Variants in ANXA6 observed in about 807,000 individuals in gnomAD.
ANXA6 encodes annexin A6, also known as 67 kDa calelectrin.
A neutral mutation model predicts 95.4 loss-of-function variants in ANXA6; 71 were observed. The observed-to-expected ratio is 0.74, with a 90% confidence interval of 0.61 to 0.91. The LOEUF is 0.91. ANXA6 is among the 40% of genes least tolerant of loss of function. The pLI, the probability that ANXA6 is intolerant of heterozygous loss-of-function variation, is 0.00. For synonymous variants in ANXA6, 289 were observed against 315.9 expected (o/e 0.91, Z 0.90); for missense variants, 830 against 876.4 (o/e 0.95, Z 0.67).
At chr5:151,140,118 A>C in intron 3 of ANXA6, 35 bp downstream of exon 3, 3 of 1,600,420 alleles carry the variant, frequency 1.9e-6, no homozygotes, top group Non-Finnish European at 2.6e-6. Flanking sequence ...CTTTTGGGGG[A>C]TACCCCTCAA....
At chr5:151,115,537 C>A (rs555299317) in intron 20 of ANXA6, among the ~76,000 whole-genome samples, 1 of 152,316 alleles carries the variant, frequency 6.6e-6, no homozygotes, top group South Asian at 2.1e-4. Context: ...AAACCAGGCA[C>A]CAGGCAGAAG....
rs1346592385 is a variant in ANXA6 at position 151,134,501 on chromosome 5, G to A, written c.490-18C>T. ...CTGGTTCCCTGGGCAGAAAGACAAA[G>A]AACATGTGTTTCAAACACTGCAAAG... On this transcript the variant is annotated intron_variant, in intron 7 of 25. Coordinates refer to ENST00000354546, the MANE Select transcript of ANXA6 (RefSeq NM_001155.5). 1 of 1,613,762 alleles carries A rather than the reference G, an allele frequency of 6.2e-7. No homozygotes were observed. Among genetic ancestry groups the A allele is most frequent in the Admixed American group, 1.7e-5 (1 of 60,022 alleles).
Position 151,129,636 on chromosome 5 carries a change from T to C in ANXA6, c.796-107A>G, listed in dbSNP as rs114482434. The C allele has an allele frequency of 1.8e-5, 24 of 1,342,638 alleles. No homozygotes were observed. In the East Asian group the frequency reaches 4.6e-4, roughly 26 times the overall value. The allele number at this position is 1,342,638 out of a possible 1,614,324, so 83.2% of individuals were successfully genotyped here. ...ATTTTCATAATAAAAAGTTAAAATTTAGAGCAAAAGAAGCAGACATTGCCA... is the reference window on the plus strand; with the variant it reads ...ATTTTCATAATAAAAAGTTAAAATTCAGAGCAAAAGAAGCAGACATTGCCA... On this transcript the variant is annotated intron_variant, in intron 11 of 25. Coordinates refer to ENST00000354546, the MANE Select transcript of ANXA6 (RefSeq NM_001155.5).
At position 151,136,312 on chromosome 5, in the gene ANXA6, C is replaced by G. The variant is rs780600146; in HGVS notation, c.433G>C (p.Asp145His). The G allele has an allele frequency of 3.7e-6, 6 of 1,613,972 alleles. No individual in the cohort carries two copies. The highest frequency in any genetic ancestry group is 5.1e-6 in the Non-Finnish European group (6 of 1,179,876). ...KDAYERDLEA[D>H]IIGDTSGHFQ... is the part of the protein sequence containing the mutation. ...TGGCCAGAGGTGTCGCCGATGATGT[C>G]AGCCTCCAGGTCCCGCTCGTAGGCT... is the stretch of plus-strand genomic sequence containing the variant. The change falls in exon 7 of 26, where the codon GAC becomes CAC. Residue 145 changes from aspartate (D) to histidine (H), a missense_variant. Coordinates refer to ENST00000354546, the MANE Select transcript of ANXA6 (RefSeq NM_001155.5).
intron 2 of ANXA6, among the ~76,000 whole-genome samples, chr5:151,142,578 T>C (rs1765866377): frequency 6.6e-6 from 1 of 152,166 alleles, no homozygotes; most frequent in Non-Finnish European, 1.5e-5. Context: ...CACTCAGTTA[T>C]TGAGTCCATG....
chr5:151,140,339 T>C (rs1765795169), intron 2 of ANXA6, 96 bp from the exon 3 acceptor site: 1 of 1,046,308 alleles, frequency 9.6e-7, no homozygotes. Flanking sequence ...TGGTCCAGGC[T>C]GAGCTGCTTT....
chr5:151,108,223 A>G (rs769468036), intron 23 of ANXA6, among the ~76,000 whole-genome samples: 6 of 151,900 alleles, frequency 3.9e-5, no homozygotes, highest in Non-Finnish European at 8.8e-5. Flanking sequence ...TGCCTGCCCC[A>G]GTCTTCCTGG....
Position 151,101,478 on chromosome 5 carries a change from G to A in ANXA6, c.1992C>T (p.Ala664=). 1 of 1,561,560 alleles carries A rather than the reference G, an allele frequency of 6.4e-7. No individual in the cohort carries two copies. Among genetic ancestry groups the A allele is most frequent in the Non-Finnish European group, 8.7e-7 (1 of 1,152,840 alleles). The change falls in exon 26 of 26, where the codon GCC becomes GCT. Residue 664 remains alanine (A), a synonymous_variant. Coordinates refer to ENST00000354546, the MANE Select transcript of ANXA6 (RefSeq NM_001155.5). ...EGDTSGDFLK[A]LLALCGGED is the part of the protein sequence containing the mutation. The stretch of plus-strand genomic sequence containing the variant: ...CCTCACCACCACAGAGAGCCAGCAA[G>A]GCCTTCAGGAAGTCTCCGGAGGTGT...
Position 151,138,244 on chromosome 5 carries a change from TCTC to T in ANXA6, c.318+431_318+433del, listed in dbSNP as rs1765723319. ...ATACCCTAAACACAGATCCACAACT[TCTC>T]CTGCCATTTTTACACCCTGCAATGA... On this transcript the variant is annotated intron_variant, in intron 5 of 25. Transcript: ENST00000354546. 2.0e-5 allele frequency among the ~76,000 whole-genome samples: 3 copies of T among 152,016 alleles called. No individual in the cohort carries two copies. The South Asian group carries it at 6.2e-4, about 32-fold the overall frequency.
intron 21 of ANXA6, among the ~76,000 whole-genome samples, chr5:151,110,273 A>G (rs559697537): frequency 6.6e-6 from 1 of 152,348 alleles, no homozygotes; most frequent in Non-Finnish European, 1.5e-5. Context: ...AAGGGCAAAC[A>G]CACCCGATCA....
chr5:151,128,071 CA>C, intron 13 of ANXA6, 109 bp downstream of exon 13: 1 of 960,982 alleles, frequency 1.0e-6, no homozygotes, highest in Non-Finnish European at 1.6e-6. Flanking sequence ...GCTCCTGGCT[CA>C]GGGGAATCCC....
Position 151,124,326 on chromosome 5 carries a change from G to C in ANXA6, c.1098C>G (p.Asp366Glu). ...CTTTCCGCAGCGCTTTGGCATCTGC[G>C]TCAGGGTTGAAGTCATTGGCTGGGC... ...TVRPANDFNP[D>E]ADAKALRKAM... is the part of the protein sequence containing the mutation. Residue 366 changes from aspartate (D) to glutamate (E), a missense_variant, in exon 15 of 26, where the codon GAC becomes GAG. Coordinates refer to ENST00000354546, the MANE Select transcript of ANXA6 (RefSeq NM_001155.5). 1.2e-6 allele frequency: 2 copies of C among 1,613,458 alleles called. No individual in the cohort carries two copies. Among genetic ancestry groups the C allele is most frequent in the Non-Finnish European group, 1.7e-6 (2 of 1,179,756 alleles).
At chr5:151,149,179 C>CAAAA (rs36120948) in intron 1 of ANXA6, among the ~76,000 whole-genome samples, 95 of 47,060 alleles carry the variant, frequency 2.0e-3, no homozygotes, top group African/African-American at 3.1e-3. Flanking sequence ...AGCCCTGTCT[C>CAAAA]AAAAAAAAAA....
At chr5:151,121,164 A>T (rs1050873136) in intron 17 of ANXA6, among the ~76,000 whole-genome samples, 9 of 152,336 alleles carry the variant, frequency 5.9e-5, no homozygotes, top group African/African-American at 2.2e-4. Flanking sequence ...GGCCAAAAGC[A>T]CTACTGGTTT....
rs553020854 is a variant in ANXA6 at position 151,134,666 on chromosome 5, C to G, written c.490-183G>C. 2.6e-5 allele frequency among the ~76,000 whole-genome samples: 4 copies of G among 152,320 alleles called. No individual in the cohort carries two copies. In the South Asian group the frequency reaches 8.3e-4, roughly 32 times the overall value. On this transcript the variant is annotated intron_variant, in intron 7 of 25. Coordinates refer to ENST00000354546, the MANE Select transcript of ANXA6 (RefSeq NM_001155.5). ...TTGTGAGCCAATCAAAAGGGACCCT[C>G]CCTCTGGCCTTTCCCTTCCTCGTCA...
chr5:151,102,100 G>T (rs1350429451), intron 25 of ANXA6, among the ~76,000 whole-genome samples: 1 of 152,174 alleles, frequency 6.6e-6, no homozygotes, highest in Non-Finnish European at 1.5e-5. Flanking sequence ...CAGTGGTCTG[G>T]TATACGTTCA....
intron 2 of ANXA6, 115 bp downstream of exon 2, chr5:151,147,769 C>A (rs957352800): frequency 2.5e-6 from 3 of 1,190,528 alleles, no homozygotes; most frequent in African/African-American, 3.1e-5. Context: ...AGAACCTTTC[C>A]TCCTTTTTTC....
At chr5:151,108,424 C>T (rs1294916423) in intron 23 of ANXA6, 31 bp downstream of exon 23, 13 of 1,590,446 alleles carry the variant, frequency 8.2e-6, no homozygotes, top group Non-Finnish European at 1.0e-5. Context: ...TCCCAGTGCC[C>T]CCAGCCCTTC....
intron 10 of ANXA6, among the ~76,000 whole-genome samples, chr5:151,132,091 G>T (rs1051230299): frequency 6.6e-6 from 1 of 152,278 alleles, no homozygotes; most frequent in African/African-American, 2.4e-5. Flanking sequence ...TTCCTCATCT[G>T]TGAAATAGAG....
Sources: gnomAD v4.1 joint callset for allele counts (sites outside exome capture counted in the v4.1 genomes callset) on GRCh38, gnomAD v4.1.1 for gene constraint, MANE v1.5 for transcripts, NCBI Gene and HGNC (gene_info 2026-07-23, HGNC 2026-07-21) for gene names.